The following FOXK2 variants were observed in gnomAD, a reference collection of about 807,000 sequenced individuals.
FOXK2 encodes the protein forkhead box protein K2.
Under a neutral mutation model 53.3 loss-of-function variants are expected in FOXK2, and 24 were observed. That is an observed-to-expected ratio of 0.45 (90% CI 0.33 to 0.63). FOXK2 has a LOEUF of 0.63. FOXK2 is among the 30% of genes least tolerant of loss of function. FOXK2 has a pLI of 0.03. For synonymous variants in FOXK2, 505 were observed against 407.1 expected (o/e 1.24, Z -2.89); for missense variants, 952 against 910.5 (o/e 1.05, Z -0.59).
chr17:82,528,007 A>T (rs1449100741), intron 1 of FOXK2, among the ~76,000 whole-genome samples: 1 of 152,094 alleles, frequency 6.6e-6, no homozygotes, highest in Non-Finnish European at 1.5e-5. Context: ...TATGTTGCCC[A>T]GGCTGGTCGC....
intron 8 of FOXK2, chr17:82,593,377 G>A (rs1460972924): frequency 1.3e-5 from 2 of 148,556 alleles, no homozygotes; most frequent in Admixed American, 1.3e-4. Context: ...GGGAGGGAGG[G>A]AAAGAGGAAG....
chr17:82,587,483 A>G, intron 8 of FOXK2: 1 of 589,640 alleles, frequency 1.7e-6, no homozygotes, highest in Non-Finnish European at 3.0e-6. Flanking sequence ...GCCTGAAAAG[A>G]GATGAGAGTT....
chr17:82,528,009 G>C (rs1398157896), intron 1 of FOXK2, among the ~76,000 whole-genome samples: 2 of 152,014 alleles, frequency 1.3e-5, no homozygotes, highest in Non-Finnish European at 2.9e-5. Flanking sequence ...TGTTGCCCAG[G>C]CTGGTCGCAA....
chr17:82,562,093 T>C (rs2044801972), intron 1 of FOXK2, among the ~76,000 whole-genome samples: 2 of 152,246 alleles, frequency 1.3e-5, no homozygotes, highest in Admixed American at 1.3e-4. Context: ...CTATGGCTAT[T>C]TTTAAATTTT....
chr17:82,582,757 A>G lies in FOXK2; in HGVS notation c.926A>G (p.Asn309Ser), dbSNP rs1421695580. Residue 309 changes from asparagine (N) to serine (S), a missense_variant, in exon 5 of 9, where the codon AAT becomes AGT. By Grantham distance (46) the Asn-to-Ser change is conservative (BLOSUM62 1). This residue lies in a region of FOXK2 where 160 missense variants were observed against 214.2 expected (regional missense o/e 0.75). Coordinates refer to ENST00000335255, the MANE Select transcript of FOXK2 (RefSeq NM_004514.4). ...GTTTCATAGAATTCAATTCGCCACA[A>G]TCTCTCTCTGAATCGTTATTTCATC... is the stretch of plus-strand genomic sequence containing the variant. ...DKGWQNSIRH[N>S]LSLNRYFIKV... 3 of 1,588,132 alleles carry G rather than the reference A, an allele frequency of 1.9e-6. No individual in the cohort carries two copies. The highest frequency in any genetic ancestry group is 2.6e-6 in the Non-Finnish European group (3 of 1,171,296).
intron 8 of FOXK2, among the ~76,000 whole-genome samples, chr17:82,597,423 C>A (rs1297241947): frequency 6.6e-6 from 1 of 152,172 alleles, no homozygotes; most frequent in Non-Finnish European, 1.5e-5. Context: ...TGCTCCCTCC[C>A]CAGCTCCGGC....
At chr17:82,520,426 C>T (rs1050664747) in intron 1 of FOXK2, 119 bp downstream of exon 1, 15 of 877,300 alleles carry the variant, frequency 1.7e-5, no homozygotes, top group Non-Finnish European at 2.2e-5. Flanking sequence ...TCTCCCACAG[C>T]CGGGACCACC....
At chr17:82,564,423 A>G in intron 2 of FOXK2, among the ~76,000 whole-genome samples, 1 of 150,738 alleles carries the variant, frequency 6.6e-6, no homozygotes, top group Admixed American at 6.6e-5. Context: ...TTTTTAAGAG[A>G]TGGATTCTGG....
At position 82,580,243 on chromosome 17, in the gene FOXK2, G is replaced by A. The variant is rs1419988584; in HGVS notation, c.910-2498G>A. On this transcript the variant is annotated intron_variant, in intron 4 of 8. Transcript: ENST00000335255. ...GCCCACCTCTCCATGTCACCATGAA[G>A]TAGCTCCCATCCACAGGGCCCAGAT... 4.0e-4 allele frequency among the ~76,000 whole-genome samples: 39 copies of A among 98,194 alleles called. 1 individual carries two copies. Among genetic ancestry groups the A allele is most frequent in the Non-Finnish European group, 4.1e-5 (2 of 49,040 alleles). 64.4% of individuals were successfully genotyped at this position (98,194 alleles called of 152,430 possible).
At chr17:82,578,523 G>A (rs2045017916) in intron 4 of FOXK2, 2 of 152,280 alleles carry the variant, frequency 1.3e-5, no homozygotes, top group Non-Finnish European at 2.9e-5. Context: ...CATCCATCCT[G>A]GGTTTGATCA....
At chr17:82,544,412 C>T (rs923654241) in intron 1 of FOXK2, among the ~76,000 whole-genome samples, 5 of 152,168 alleles carry the variant, frequency 3.3e-5, no homozygotes, top group African/African-American at 1.2e-4. Context: ...GGAAATGGCA[C>T]TGTGCTGGTA....
chr17:82,555,804 C>T (rs888545999), intron 1 of FOXK2, among the ~76,000 whole-genome samples: 1 of 137,586 alleles, frequency 7.3e-6, no homozygotes, highest in Non-Finnish European at 1.5e-5. Flanking sequence ...AGGAGAATGG[C>T]GTGAACCTGG....
At chr17:82,556,589 G>GCTGGGT (rs1469258893) in intron 1 of FOXK2, among the ~76,000 whole-genome samples, 16 of 149,666 alleles carry the variant, frequency 1.1e-4, no homozygotes, top group African/African-American at 3.9e-4. Context: ...TGGGGCTGGG[G>GCTGGGT]CTGGGCTTGT....
intron 1 of FOXK2, among the ~76,000 whole-genome samples, chr17:82,536,767 C>T (rs2044524651): frequency 1.3e-5 from 2 of 152,340 alleles, no homozygotes; most frequent in South Asian, 4.1e-4. Context: ...CACACTGAGG[C>T]CTCTGAATGT....
intron 2 of FOXK2, among the ~76,000 whole-genome samples, chr17:82,563,993 C>G (rs1165911120): frequency 6.6e-6 from 1 of 151,908 alleles, no homozygotes; most frequent in Non-Finnish European, 1.5e-5. Flanking sequence ...CTCAAGTGAT[C>G]CGCCCACCTC....
intron 1 of FOXK2, among the ~76,000 whole-genome samples, chr17:82,561,768 A>G (rs1197171844): frequency 4.6e-5 from 7 of 152,144 alleles, no homozygotes; most frequent in Non-Finnish European, 1.0e-4. Flanking sequence ...CGGGAGGGCC[A>G]TGGCGTAGCT....
At chr17:82,547,216 A>G (rs2044635075) in intron 1 of FOXK2, among the ~76,000 whole-genome samples, 1 of 152,170 alleles carries the variant, frequency 6.6e-6, no homozygotes, top group African/African-American at 2.4e-5. Flanking sequence ...AGGGTGTAGT[A>G]TTGTGGTTCA....
intron 2 of FOXK2, among the ~76,000 whole-genome samples, chr17:82,563,813 G>A (rs866705549): frequency 6.9e-6 from 1 of 145,070 alleles, no homozygotes; most frequent in African/African-American, 2.6e-5. Context: ...GTGCAGTGGT[G>A]CTATCTTGGC....
intron 8 of FOXK2, among the ~76,000 whole-genome samples, chr17:82,593,072 A>AAGC (rs35470861): frequency 9.1e-5 from 11 of 121,328 alleles, no homozygotes; most frequent in African/African-American, 2.9e-4. Flanking sequence ...CTTATTCTGA[A>AAGC]AGACCCAGTG....
Sources: allele counts gnomAD v4.1 joint callset (sites outside exome capture counted in the v4.1 genomes callset), GRCh38; gene constraint gnomAD v4.1.1; regional missense constraint gnomAD v4.1.1; transcripts MANE v1.5; gene names NCBI Gene and HGNC (gene_info 2026-07-23, HGNC 2026-07-21).